UBE2E1: variants seen among roughly 807,000 people sequenced by gnomAD.
UBE2E1 encodes the protein ubiquitin conjugating enzyme E2 E1.
A neutral mutation model predicts 21.4 loss-of-function variants in UBE2E1; 6 were observed. The observed-to-expected ratio is 0.28, with a 90% CI of 0.15 to 0.55. The LOEUF (loss-of-function observed/expected upper bound fraction) is 0.55. Among genes scored for constraint, UBE2E1 ranks in the 20% least tolerant of loss-of-function variants. The pLI is 0.93. For synonymous variants in UBE2E1, 87 were observed against 82.7 expected (o/e 1.05, Z -0.28); for missense variants, 142 against 236.5 (o/e 0.60, Z 2.62).
At chr3:23,880,289 A>G (rs1701009047) in intron 3 of UBE2E1, among the ~76,000 whole-genome samples, 1 of 152,204 alleles carries the variant, frequency 6.6e-6, no homozygotes, top group Non-Finnish European at 1.5e-5. Context: ...AGGCTGAGGC[A>G]GGAGAATTGC....
chr3:23,819,495 G>A (rs767161473), intron 3 of UBE2E1, among the ~76,000 whole-genome samples: 3 of 152,152 alleles, frequency 2.0e-5, no homozygotes, highest in African/African-American at 4.8e-5. Flanking sequence ...GAACTGAAAA[G>A]AAGCAGCATC....
intron 3 of UBE2E1, among the ~76,000 whole-genome samples, chr3:23,829,306 G>A (rs1699818781): frequency 6.9e-6 from 1 of 143,982 alleles, no homozygotes; most frequent in Admixed American, 7.3e-5. Context: ...GACAACAGGT[G>A]CACTCCACAA....
intron 3 of UBE2E1, among the ~76,000 whole-genome samples, chr3:23,833,053 A>G (rs1405866921): frequency 1.3e-5 from 2 of 152,162 alleles, no homozygotes; most frequent in African/African-American, 4.8e-5. Context: ...GAGAAAAAGA[A>G]AAATATAAAG....
intron 3 of UBE2E1, among the ~76,000 whole-genome samples, chr3:23,817,464 CAAGGAGTTCAT>C (rs916292294): frequency 2.0e-5 from 3 of 151,080 alleles, no homozygotes; most frequent in Non-Finnish European, 4.4e-5. Context: ...GCACTGCCTT[CAAGGAGTTCAT>C]AATCTAGTCA....
Position 23,821,156 on chromosome 3 carries a change from A to G in UBE2E1, c.203+9646A>G, listed in dbSNP as rs577374735. On this transcript the variant is annotated intron_variant, in intron 3 of 5. Coordinates refer to ENST00000306627, the MANE Select transcript of UBE2E1 (RefSeq NM_003341.5). ...GCTTGTGAAACCTGAATTTTAGTAG[A>G]CAGTGCAAACAGCAGCTAAGCAAAA... 4.5e-4 allele frequency among the ~76,000 whole-genome samples: 68 copies of G among 152,370 alleles called. 2 individuals are homozygous for G. In the South Asian group the frequency reaches 0.014, roughly 31 times the overall value.
At chr3:23,845,146 G>A (rs1317439638) in intron 3 of UBE2E1, among the ~76,000 whole-genome samples, 2 of 152,110 alleles carry the variant, frequency 1.3e-5, no homozygotes, top group African/African-American at 4.8e-5. Context: ...CGACCCACAG[G>A]CCAGGAAGGA....
chr3:23,810,422 G>C lies in UBE2E1; in HGVS notation c.153-1038G>C. 3 of 1,534,952 alleles carry C rather than the reference G, an allele frequency of 2.0e-6. No homozygotes were observed. The highest frequency in any genetic ancestry group is 3.9e-5 in the Admixed American group (2 of 50,962). On this transcript the variant is annotated intron_variant, in intron 2 of 5. Transcript: ENST00000306627. The surrounding 1 kb of genome is among the most constrained non-coding windows in gnomAD (Gnocchi z 5.8). ...TTGTGAAGTCGAGGGTTGGTGCGGA[G>C]GGAGAAAACTGCAGGTCTCCAGTCT...
intron 3 of UBE2E1, among the ~76,000 whole-genome samples, chr3:23,818,575 C>T (rs1006247030): frequency 1.3e-5 from 2 of 152,150 alleles, no homozygotes; most frequent in Non-Finnish European, 2.9e-5. Flanking sequence ...ACCATGTTTG[C>T]TCTGTCTCTC....
chr3:23,815,288 C>G (rs1213550741), intron 3 of UBE2E1, among the ~76,000 whole-genome samples: 2 of 152,170 alleles, frequency 1.3e-5, no homozygotes, highest in Non-Finnish European at 2.9e-5. Context: ...GGCCCTGATA[C>G]TAGTTTTTCT....
chr3:23,847,525 C>T (rs192298320), intron 3 of UBE2E1, among the ~76,000 whole-genome samples: 6,273 of 119,914 alleles, frequency 0.052, 193 homozygotes, highest in East Asian at 0.19. Context: ...GACAGAGTCT[C>T]GCTCTGTCAC....
chr3:23,812,079 T>G, intron 3 of UBE2E1, among the ~76,000 whole-genome samples: 1 of 151,502 alleles, frequency 6.6e-6, no homozygotes, highest in Non-Finnish European at 1.5e-5. Context: ...TTATTCAGAC[T>G]GTATACATAT....
In UBE2E1 at chr3:23,876,958, C is replaced by G. The variant is rs1279221433; in HGVS notation, c.204-10609C>G. On this transcript the variant is annotated intron_variant, in intron 3 of 5. Transcript: ENST00000306627. This position sits in a 1 kb window ranked among gnomAD's most constrained non-coding sequence, Gnocchi z 4.3. ...ACTCAGGAGGCTGAGATGGAAGGAT[C>G]ACTTGAGCCAGCTGTGATTGAGCCA... Among the ~76,000 whole-genome samples, 4 of 152,200 alleles carry G rather than the reference C, an allele frequency of 2.6e-5. No individual in the cohort carries two copies. In the South Asian group the frequency reaches 8.3e-4, roughly 31 times the overall value.
At chr3:23,828,346 T>C (rs1415847670) in intron 3 of UBE2E1, among the ~76,000 whole-genome samples, 1 of 152,194 alleles carries the variant, frequency 6.6e-6, no homozygotes, top group African/African-American at 2.4e-5. Flanking sequence ...TGTAAAAAGA[T>C]CAATTTCTAT....
chr3:23,833,284 T>C (rs1390500230), intron 3 of UBE2E1, among the ~76,000 whole-genome samples: 5 of 152,190 alleles, frequency 3.3e-5, no homozygotes, highest in Non-Finnish European at 7.3e-5. Context: ...AAATGATTGG[T>C]ATATGGTATG....
At chr3:23,829,622 T>A (rs1699827892) in intron 3 of UBE2E1, among the ~76,000 whole-genome samples, 2 of 152,008 alleles carry the variant, frequency 1.3e-5, no homozygotes, top group Non-Finnish European at 2.9e-5. Context: ...GGAAAAGTGC[T>A]GAAGTGGGAA....
intron 3 of UBE2E1, among the ~76,000 whole-genome samples, chr3:23,851,091 T>C (rs1187683736): frequency 6.6e-6 from 1 of 152,160 alleles, no homozygotes; most frequent in Non-Finnish European, 1.5e-5. Flanking sequence ...AGGGTTCAGT[T>C]TCATTTTTTT....
intron 3 of UBE2E1, among the ~76,000 whole-genome samples, chr3:23,828,111 C>T (rs1699794367): frequency 6.6e-6 from 1 of 152,186 alleles, no homozygotes; most frequent in South Asian, 2.1e-4. Context: ...GTTTGTCTCT[C>T]TGTCAAGACC....
chr3:23,844,018 C>G (rs1489375629), intron 3 of UBE2E1, among the ~76,000 whole-genome samples: 1 of 151,930 alleles, frequency 6.6e-6, no homozygotes, highest in Non-Finnish European at 1.5e-5. Context: ...ATTTTTTATG[C>G]TCTTAGGGCT....
intron 3 of UBE2E1, among the ~76,000 whole-genome samples, chr3:23,886,661 C>T (rs1344027791): frequency 6.6e-6 from 1 of 152,182 alleles, no homozygotes; most frequent in Non-Finnish European, 1.5e-5. Flanking sequence ...TCTCTTCTGT[C>T]TCTTAAATGA....
Sources: gnomAD v4.1 joint callset for allele counts (sites outside exome capture counted in the v4.1 genomes callset) on GRCh38, gnomAD v4.1.1 for gene constraint, Gnocchi (gnomAD v3.1) non-coding constraint, MANE v1.5 for transcripts, NCBI Gene and HGNC (gene_info 2026-07-23, HGNC 2026-07-21) for gene names.